TNRC6B: variants seen among roughly 807,000 people sequenced by gnomAD.
TNRC6B encodes trinucleotide repeat containing adaptor 6B, also known as trinucleotide repeat-containing gene 6B protein.
In TNRC6B, 52 loss-of-function variants were observed where a neutral mutation model predicts 203.6. That is an observed-to-expected ratio of 0.26 (90% CI 0.20 to 0.32). TNRC6B has a LOEUF of 0.32. Ranked by LOEUF, TNRC6B falls within the 10% of genes least tolerant of loss-of-function variation. The pLI is 1.00. For missense variants in TNRC6B, 1,923 were observed against 2,286.2 expected, an observed-to-expected ratio of 0.84 and a Z score of 3.24; for synonymous variants, 838 against 845.7, an observed-to-expected ratio of 0.99 and a Z score of 0.16.
chr22:40,103,368 G>T (rs752950031), intron 1 of TNRC6B, among the ~76,000 whole-genome samples: 1 of 151,814 alleles, frequency 6.6e-6, no homozygotes, highest in Non-Finnish European at 1.5e-5. Flanking sequence ...CCCAAGTGCT[G>T]TCAGTCCCTT....
chr22:40,157,015 T>C (rs965694862), intron 4 of TNRC6B, among the ~76,000 whole-genome samples: 2 of 152,034 alleles, frequency 1.3e-5, no homozygotes, highest in African/African-American at 4.8e-5. Context: ...CCTCAGGTGG[T>C]CTGCCTGCCT....
intron 4 of TNRC6B, among the ~76,000 whole-genome samples, chr22:40,159,111 C>T (rs1485761949): frequency 6.6e-6 from 1 of 151,300 alleles, no homozygotes; most frequent in South Asian, 2.1e-4. Flanking sequence ...TACAGGCGCC[C>T]ACCATCACAC....
chr22:40,236,846 G>A (rs1211511642), intron 1 of TNRC6B, among the ~76,000 whole-genome samples: 7 of 152,150 alleles, frequency 4.6e-5, no homozygotes, highest in Admixed American at 4.6e-4. Flanking sequence ...GCAACCATTG[G>A]TCATGACTCT....
intron 1 of TNRC6B, among the ~76,000 whole-genome samples, chr22:40,064,679 C>T (rs1262150379): frequency 1.3e-5 from 2 of 150,532 alleles, no homozygotes; most frequent in Non-Finnish European, 2.9e-5. Context: ...TGTAGTGGCA[C>T]GATCTCGGCT....
At chr22:40,176,374 G>C (rs964806043), upstream of TNRC6B, among the ~76,000 whole-genome samples, 1 of 152,072 alleles carries the variant, frequency 6.6e-6, no homozygotes, top group Non-Finnish European at 1.5e-5. Flanking sequence ...TGATCTGCCT[G>C]CCTCGGCCTC....
Position 40,170,435 on chromosome 22 carries a change from AG to A in TNRC6B, c.113+14254del, listed in dbSNP as rs1569006029. ...TAGTTTATATATATATTATATATAT[AG>A]TTTATATATATATTATATATATAGT... is the stretch of plus-strand genomic sequence containing the variant. On this transcript the variant is annotated intron_variant, in intron 4 of 23. Coordinates refer to the TNRC6B transcript ENST00000301923. 8.1e-4 allele frequency among the ~76,000 whole-genome samples: 18 copies of A among 22,216 alleles called. No individual in the cohort carries two copies. The African/African-American group carries it at 8.2e-3, about 10-fold the overall frequency. The allele number at this position is 22,216 out of a possible 152,430, so 14.6% of individuals were successfully genotyped here.
chr22:40,046,431 G>C (rs2067688504), intron 1 of TNRC6B, among the ~76,000 whole-genome samples: 1 of 152,182 alleles, frequency 6.6e-6, no homozygotes, highest in South Asian at 2.1e-4. Flanking sequence ...GTGGGACGTG[G>C]TGATGATGAT....
intron 4 of TNRC6B, among the ~76,000 whole-genome samples, chr22:40,170,853 GTA>G (rs1238495596): frequency 7.6e-5 from 8 of 105,180 alleles, no homozygotes; most frequent in East Asian, 2.4e-4. Flanking sequence ...ATATATGTGT[GTA>G]TATATACATA....
intron 3 of TNRC6B, among the ~76,000 whole-genome samples, chr22:40,132,970 ATAT>A (rs1418801921): frequency 2.6e-4 from 12 of 46,960 alleles, no homozygotes; most frequent in South Asian, 8.8e-4. Flanking sequence ...AAAAAAAAAA[ATAT>A]ATATATATAT....
At chr22:40,088,493 C>A (rs1308496088) in intron 1 of TNRC6B, among the ~76,000 whole-genome samples, 1 of 151,948 alleles carries the variant, frequency 6.6e-6, no homozygotes, top group African/African-American at 2.4e-5. Flanking sequence ...CTTACTGCAA[C>A]CTCCGCCTCC....
chr22:40,129,536 GA>G (rs2068523174), intron 3 of TNRC6B, among the ~76,000 whole-genome samples: 2 of 152,148 alleles, frequency 1.3e-5, no homozygotes, highest in South Asian at 4.1e-4. Context: ...TTGCATCATA[GA>G]AATCAAAAGG....
intron 4 of TNRC6B, among the ~76,000 whole-genome samples, chr22:40,167,762 A>G (rs983486690): frequency 2.0e-5 from 3 of 149,466 alleles, no homozygotes; most frequent in African/African-American, 4.9e-5. Context: ...CTGTAGTCCT[A>G]GCTACTTGGG....
At chr22:40,195,414 CT>C (rs1306174168) in intron 1 of TNRC6B, among the ~76,000 whole-genome samples, 2 of 152,200 alleles carry the variant, frequency 1.3e-5, no homozygotes, top group Non-Finnish European at 2.9e-5. Context: ...CTTTCCAGCT[CT>C]GCTTGATTCA....
At chr22:40,285,169 G>C (rs567062098) in intron 11 of TNRC6B, among the ~76,000 whole-genome samples, 2 of 152,174 alleles carry the variant, frequency 1.3e-5, no homozygotes, top group Non-Finnish European at 2.9e-5. Context: ...CCAGGACAAG[G>C]AAGGGTGCTA....
chr22:40,046,158 T>C (rs986607685), intron 1 of TNRC6B, among the ~76,000 whole-genome samples: 1 of 152,272 alleles, frequency 6.6e-6, no homozygotes, highest in Non-Finnish European at 1.5e-5. Flanking sequence ...TAATAGAGGT[T>C]ACTTCTCTCT....
rs2070186749 is a variant in TNRC6B, at chr22:40,251,160, T to C, written c.94-19T>C. 1.3e-6 allele frequency: 2 copies of C among 1,530,746 alleles called. No individual in the cohort carries two copies. 94.8% of individuals were successfully genotyped at this position (1,530,746 alleles called of 1,614,324 possible). ...ATTAAAAAGCAAATCTCATTTACTTTTATCTGTTTATTTTGCAGGTCACGG... is the reference window on the plus strand; with the variant it reads ...ATTAAAAAGCAAATCTCATTTACTTCTATCTGTTTATTTTGCAGGTCACGG... On this transcript the variant is annotated intron_variant, in intron 2 of 22. Transcript: ENST00000454349.
intron 1 of TNRC6B, among the ~76,000 whole-genome samples, chr22:40,242,577 T>C (rs1313063019): frequency 1.3e-5 from 2 of 152,022 alleles, no homozygotes; most frequent in Non-Finnish European, 2.9e-5. Context: ...ATTACAGGCA[T>C]GTGCCACCAC....
intron 12 of TNRC6B, among the ~76,000 whole-genome samples, chr22:40,299,238 G>GTAT (rs1330988726): frequency 2.7e-5 from 4 of 148,724 alleles, no homozygotes; most frequent in African/African-American, 9.9e-5. Flanking sequence ...TAGAACTAAA[G>GTAT]TCTTTTTTTT....
chr22:40,164,680 T>C (rs1254569515), intron 4 of TNRC6B, among the ~76,000 whole-genome samples: 2 of 148,410 alleles, frequency 1.3e-5, no homozygotes, highest in African/African-American at 5.0e-5. Flanking sequence ...GAGAATCGCT[T>C]GAACCTGGGA....
Sources: gnomAD v4.1 joint callset for allele counts (sites outside exome capture counted in the v4.1 genomes callset) on GRCh38, gnomAD v4.1.1 for gene constraint, MANE v1.5 for transcripts, NCBI Gene and HGNC (gene_info 2026-07-23, HGNC 2026-07-21) for gene names.